Variants in SYDE2 observed in about 807,000 individuals in gnomAD.
SYDE2 encodes rho GTPase-activating protein SYDE2.
In SYDE2, 76 loss-of-function variants were observed where a neutral mutation model predicts 91.5. The observed-to-expected ratio is 0.83, with a 90% CI of 0.69 to 1.01. The LOEUF (loss-of-function observed/expected upper bound fraction) is 1.01, where lower values mean the gene tolerates loss of function less well. SYDE2 is among the 50% of genes least tolerant of loss of function. The probability of loss-of-function intolerance (pLI) is 0.00; values close to 1 mark genes in which losing one functional copy is unlikely to be tolerated. For synonymous variants in SYDE2, 513 were observed against 506.4 expected, an observed-to-expected ratio of 1.01 and a Z score of -0.18; for missense variants, 1,364 against 1,367.7, an observed-to-expected ratio of 1.00 and a Z score of 0.04.
intron 5 of SYDE2, among the ~76,000 whole-genome samples, chr1:85,168,499 TTC>T (rs1189537595): frequency 6.6e-6 from 1 of 152,068 alleles, no homozygotes; most frequent in Non-Finnish European, 1.5e-5. Flanking sequence ...CTACCTATCC[TTC>T]TCTCTCTCTC....
intron 2 of SYDE2, among the ~76,000 whole-genome samples, chr1:85,185,992 GT>G (rs1222866255): frequency 2.6e-5 from 4 of 151,942 alleles, no homozygotes; most frequent in Admixed American, 1.3e-4. Flanking sequence ...TTTATTGAGA[GT>G]TTTTAGCATG....
chr1:85,180,468 G>A (rs817446), intron 3 of SYDE2, among the ~76,000 whole-genome samples: 11,580 of 152,028 alleles, frequency 0.076, 501 homozygotes, highest in Middle Eastern at 0.13. Flanking sequence ...GAGGCAGGCG[G>A]ATCACAAGGT....
chr1:85,188,312 A>T (rs892387490), intron 2 of SYDE2, among the ~76,000 whole-genome samples: 2 of 152,322 alleles, frequency 1.3e-5, no homozygotes, highest in East Asian at 3.9e-4. Flanking sequence ...TGCACAAAGA[A>T]AAAAATTTAA....
chr1:85,170,634 T>C (rs1476217335), intron 4 of SYDE2, among the ~76,000 whole-genome samples: 1 of 152,210 alleles, frequency 6.6e-6, no homozygotes, highest in African/African-American at 2.4e-5. Flanking sequence ...GTACACATAA[T>C]GCAAATATTC....
In SYDE2 at chr1:85,157,419, G is replaced by A. The variant is rs1656906243; in HGVS notation, c.*1331C>T. Reference sequence around the variant, plus strand: ...TCAGTAACATGTAATATGCTGGCAAGACTATTTAGAAACAAATGGGGGTAA... The same window carrying A: ...TCAGTAACATGTAATATGCTGGCAAAACTATTTAGAAACAAATGGGGGTAA... On this transcript the variant is annotated 3_prime_UTR_variant, in exon 7 of 7. Coordinates refer to ENST00000341460, the MANE Select transcript of SYDE2 (RefSeq NM_032184.2). The A allele has an allele frequency of 6.6e-6, 1 of 151,996 alleles. No homozygotes were observed. Among genetic ancestry groups the A allele is most frequent in the Admixed American group, 6.5e-5 (1 of 15,270 alleles). 9.4% of individuals were successfully genotyped at this position (151,996 alleles called of 1,614,324 possible).
chr1:85,167,101 C>A (rs1391735603), intron 5 of SYDE2, among the ~76,000 whole-genome samples: 1 of 151,270 alleles, frequency 6.6e-6, no homozygotes, highest in Non-Finnish European at 1.5e-5. Context: ...GAAGTCCCAG[C>A]TACTTGGGGG....
chr1:85,189,960 A>G, intron 2 of SYDE2, 97 bp downstream of exon 2: 2 of 976,034 alleles, frequency 2.0e-6, no homozygotes, highest in African/African-American at 1.6e-5. Context: ...GAAAAAGTAC[A>G]TGAATATAAC....
chr1:85,181,645 G>C (rs1161271700), intron 3 of SYDE2: 2 of 152,338 alleles, frequency 1.3e-5, no homozygotes, highest in African/African-American at 4.8e-5. Context: ...AAATATTTCA[G>C]ATTTTATAAT....
intron 2 of SYDE2, among the ~76,000 whole-genome samples, chr1:85,186,210 G>C (rs1658133607): frequency 1.3e-5 from 2 of 152,106 alleles, no homozygotes; most frequent in Non-Finnish European, 2.9e-5. Context: ...GTATTTTATT[G>C]AGCATTTTTG....
chr1:85,170,097 T>C (rs1398957385), intron 4 of SYDE2, among the ~76,000 whole-genome samples: 2 of 148,602 alleles, frequency 1.3e-5, no homozygotes, highest in South Asian at 2.2e-4. Flanking sequence ...CATGATTCTA[T>C]ACGAAGCTTC....
intron 2 of SYDE2, among the ~76,000 whole-genome samples, chr1:85,186,594 A>T (rs1658149784): frequency 6.6e-6 from 1 of 152,088 alleles, no homozygotes; most frequent in Non-Finnish European, 1.5e-5. Flanking sequence ...TGGAGGCATC[A>T]CGCTACCTGA....
At chr1:85,162,404 C>A (rs1657095353) in intron 6 of SYDE2, among the ~76,000 whole-genome samples, 1 of 152,126 alleles carries the variant, frequency 6.6e-6, no homozygotes, top group Admixed American at 6.5e-5. Context: ...AGTAAATGCA[C>A]CTCGTCTACT....
chr1:85,195,604 G>A (rs193249155), intron 1 of SYDE2, among the ~76,000 whole-genome samples: 48 of 152,034 alleles, frequency 3.2e-4, no homozygotes, highest in Admixed American at 5.9e-4. Flanking sequence ...CTTTTGAGAC[G>A]GGAAAGTAGA....
rs775323782 is a variant in SYDE2 at position 85,190,737 on chromosome 1, G to C, written c.761C>G (p.Ala254Gly). The C allele has an allele frequency of 6.3e-7, 1 of 1,596,290 alleles. No homozygotes were observed. The highest frequency in any genetic ancestry group is 1.1e-5 in the South Asian group (1 of 88,042). Residue 254 changes from alanine to glycine, a missense_variant, in exon 2 of 7, where the codon GCC (alanine) becomes GGC (glycine). Transcript: ENST00000341460. ...TCTTCCCTTCATTGAAGACCCATAG[G>C]CATTTTCAAATAAATCTGTTGCAAA... ...RITLTDLFENAYGSSMKGREL... is the reference protein window; with the variant it reads ...RITLTDLFENGYGSSMKGREL...
chr1:85,182,231 C>A lies in SYDE2; in HGVS notation c.2411G>T (p.Gly804Val). 1 of 1,609,618 alleles carries A rather than the reference C, an allele frequency of 6.2e-7. No homozygotes were observed. The highest frequency in any genetic ancestry group is 1.1e-5 in the South Asian group (1 of 89,948). ...LMEQWENSLH[G>V]LDINQEPIIF... ...TATTGGTTCTTGGTTTATATCTAGTCCATGAAGAGAATTCTCCCACTGTTC... is the reference window on the plus strand; with the variant it reads ...TATTGGTTCTTGGTTTATATCTAGTACATGAAGAGAATTCTCCCACTGTTC... The change falls in exon 3 of 7, where the codon GGA becomes GTA. Residue 804 changes from glycine (G) to valine (V), a missense_variant. By Grantham distance (109) the Gly-to-Val change is moderately radical. Coordinates refer to ENST00000341460, the MANE Select transcript of SYDE2 (RefSeq NM_032184.2).
intron 2 of SYDE2, 72 bp downstream of exon 2, chr1:85,189,985 T>C: frequency 8.9e-7 from 1 of 1,129,894 alleles, no homozygotes; most frequent in Non-Finnish European, 1.3e-6. Flanking sequence ...ATCTTTTATA[T>C]TTAGTTTTAG....
intron 5 of SYDE2, 77 bp from the exon 6 acceptor site, chr1:85,164,834 G>A (rs1657204974): frequency 1.2e-6 from 1 of 825,188 alleles, no homozygotes; most frequent in Non-Finnish European, 1.7e-6. Flanking sequence ...AGGAAATACA[G>A]ATAAGCATCT....
chr1:85,196,702 T>G (rs1006949075), intron 1 of SYDE2, among the ~76,000 whole-genome samples: 1 of 151,540 alleles, frequency 6.6e-6, no homozygotes, highest in Non-Finnish European at 1.5e-5. Context: ...AAAAACTATA[T>G]AACTATTGCT....
intron 3 of SYDE2, chr1:85,181,366 G>C (rs1315430238): frequency 6.6e-6 from 1 of 151,976 alleles, no homozygotes; most frequent in Non-Finnish European, 1.5e-5. Context: ...GGCCAGGCTG[G>C]TCTTGAACTC....
Sources: gnomAD v4.1 joint callset for allele counts (sites outside exome capture counted in the v4.1 genomes callset) on GRCh38, gnomAD v4.1.1 for gene constraint, MANE v1.5 for transcripts, NCBI Gene and HGNC (gene_info 2026-07-23, HGNC 2026-07-21) for gene names.